SLC9A8: variants seen among roughly 807,000 people sequenced by gnomAD.
SLC9A8 encodes the protein sodium/hydrogen exchanger 8.
Under a neutral mutation model 66.6 loss-of-function variants are expected in SLC9A8, and 48 were observed. The ratio of observed to expected loss-of-function variants is 0.72; its 90% CI spans 0.57 to 0.92. The LOEUF (loss-of-function observed/expected upper bound fraction) is 0.92. Ranked by LOEUF, SLC9A8 falls within the 40% of genes least tolerant of loss-of-function variation. The pLI, the probability that SLC9A8 is intolerant of heterozygous loss-of-function variation, is 0.00. For missense variants in SLC9A8, 599 were observed against 747.3 expected (o/e 0.80, Z 2.31); for synonymous variants, 274 against 282.6 (o/e 0.97, Z 0.31).
At chr20:49,845,578 G>C (rs1017899150) in intron 5 of SLC9A8, among the ~76,000 whole-genome samples, 1 of 151,914 alleles carries the variant, frequency 6.6e-6, no homozygotes, top group African/African-American at 2.4e-5. Flanking sequence ...TCTCCCTCTC[G>C]GTGCCCTCCC....
intron 12 of SLC9A8, among the ~76,000 whole-genome samples, chr20:49,878,862 A>G: frequency 6.6e-6 from 1 of 152,168 alleles, no homozygotes; most frequent in Non-Finnish European, 1.5e-5. Flanking sequence ...TACTAAAAAT[A>G]CAAAATTAGC....
chr20:49,830,391 A>G (rs2087124073), intron 3 of SLC9A8: 1 of 835,518 alleles, frequency 1.2e-6, no homozygotes, highest in South Asian at 1.3e-5. Context: ...AGTCCTCTCA[A>G]CCTGTGACAT....
chr20:49,864,457 G>C (rs999841334), intron 9 of SLC9A8, among the ~76,000 whole-genome samples: 2 of 152,194 alleles, frequency 1.3e-5, no homozygotes, highest in African/African-American at 4.8e-5. Flanking sequence ...CTCTAAGTCA[G>C]CGTTTTTAAA....
intron 12 of SLC9A8, among the ~76,000 whole-genome samples, chr20:49,880,169 T>TTC (rs2089572470): frequency 6.9e-6 from 1 of 144,714 alleles, no homozygotes; most frequent in Non-Finnish European, 1.5e-5. Context: ...GAGGTTAAGG[T>TTC]GGGAGGATCA....
intron 2 of SLC9A8, among the ~76,000 whole-genome samples, chr20:49,817,826 A>T (rs757334848): frequency 1.3e-5 from 2 of 152,184 alleles, no homozygotes; most frequent in African/African-American, 2.4e-5. Context: ...TTTCTAGGGG[A>T]TTACTTCAAC....
chr20:49,851,048 C>T (rs1310145107), intron 7 of SLC9A8, among the ~76,000 whole-genome samples: 2 of 152,160 alleles, frequency 1.3e-5, no homozygotes, highest in South Asian at 2.1e-4. Flanking sequence ...TTGAAGATCC[C>T]TAGTGGGGCA....
At chr20:49,825,090 G>A (rs2086868988) in intron 3 of SLC9A8, among the ~76,000 whole-genome samples, 1 of 152,146 alleles carries the variant, frequency 6.6e-6, no homozygotes, top group South Asian at 2.1e-4. Context: ...TTGCCGAGGG[G>A]ACAGATGGGA....
chr20:49,856,017 C>T (rs2088465955), intron 8 of SLC9A8, among the ~76,000 whole-genome samples: 1 of 152,140 alleles, frequency 6.6e-6, no homozygotes, highest in African/African-American at 2.4e-5. Flanking sequence ...TGTCTTGAAC[C>T]CCTGGGCTCA....
intron 8 of SLC9A8, among the ~76,000 whole-genome samples, chr20:49,861,503 A>G (rs1182595055): frequency 6.6e-6 from 1 of 152,166 alleles, no homozygotes. Context: ...AGATCATGCC[A>G]CTGCACTTCT....
At chr20:49,835,627 T>C (rs1277400313) in intron 3 of SLC9A8, among the ~76,000 whole-genome samples, 1 of 152,022 alleles carries the variant, frequency 6.6e-6, no homozygotes, top group African/African-American at 2.4e-5. Context: ...CGGTGGTACT[T>C]TTTATTTGGC....
At chr20:49,825,888 A>G (rs2086896962) in intron 3 of SLC9A8, among the ~76,000 whole-genome samples, 1 of 152,162 alleles carries the variant, frequency 6.6e-6, no homozygotes, top group Non-Finnish European at 1.5e-5. Context: ...TAAAGCAGTA[A>G]CTGCAGTGGG....
intron 2 of SLC9A8, among the ~76,000 whole-genome samples, chr20:49,817,860 A>C (rs2086610673): frequency 6.6e-6 from 1 of 152,052 alleles, no homozygotes; most frequent in Non-Finnish European, 1.5e-5. Context: ...CTTTTGTTTT[A>C]TTTTCTTTTT....
intron 3 of SLC9A8, chr20:49,829,334 A>G (rs1418661201): frequency 1.3e-5 from 2 of 157,100 alleles, no homozygotes; most frequent in African/African-American, 2.4e-5. Flanking sequence ...CCTGGCTAAC[A>G]TGGTGAAATC....
At chr20:49,834,378 T>C (rs1379769404) in intron 3 of SLC9A8, among the ~76,000 whole-genome samples, 3 of 65,102 alleles carry the variant, frequency 4.6e-5, no homozygotes, top group Non-Finnish European at 8.0e-5. Flanking sequence ...TGTATATATA[T>C]ATATACTGTG....
intron 3 of SLC9A8, among the ~76,000 whole-genome samples, chr20:49,826,468 C>T (rs939136576): frequency 2.6e-5 from 4 of 152,146 alleles, no homozygotes; most frequent in Non-Finnish European, 5.9e-5. Context: ...GCAGTCATTT[C>T]GAGACATTAC....
At chr20:49,854,638 G>T (rs1453160981) in intron 7 of SLC9A8, among the ~76,000 whole-genome samples, 1 of 152,114 alleles carries the variant, frequency 6.6e-6, no homozygotes, top group Non-Finnish European at 1.5e-5. Flanking sequence ...ACCGACTCTG[G>T]GCAGATAGCC....
intron 9 of SLC9A8, chr20:49,864,064 A>G (rs2088861108): frequency 6.6e-6 from 1 of 151,690 alleles, no homozygotes; most frequent in Non-Finnish European, 1.5e-5. Context: ...CTCTATATTT[A>G]TCTTTTTCTT....
At chr20:49,884,660 G>A (rs1303851741) in intron 14 of SLC9A8, among the ~76,000 whole-genome samples, 2 of 152,162 alleles carry the variant, frequency 1.3e-5, no homozygotes, top group African/African-American at 4.8e-5. Flanking sequence ...GTCTTGCGGT[G>A]GCTGTGAGGG....
rs1274626937 is a variant in SLC9A8 at position 49,891,984 on chromosome 20, A to ATT, written c.*4048_*4049insTT. 2.6e-5 allele frequency: 4 copies of ATT among 152,076 alleles called. No homozygotes were observed. Among genetic ancestry groups the ATT allele is most frequent in the Non-Finnish European group, 5.9e-5 (4 of 68,034 alleles). 9.4% of individuals were successfully genotyped at this position (152,076 alleles called of 1,614,324 possible). On this transcript the variant is annotated 3_prime_UTR_variant, in exon 16 of 16. Coordinates refer to ENST00000361573, the MANE Select transcript of SLC9A8 (RefSeq NM_015266.3). ...TTTTAAGAAGCATTATGAAGGCCAGACTTACTCATTTTTCTCCCCCAAGTG... is the reference window on the plus strand; with the variant it reads ...TTTTAAGAAGCATTATGAAGGCCAGATTCTTACTCATTTTTCTCCCCCAAGTG...
Sources: allele counts gnomAD v4.1 joint callset (sites outside exome capture counted in the v4.1 genomes callset), GRCh38; gene constraint gnomAD v4.1.1; transcripts MANE v1.5; gene names NCBI Gene and HGNC (gene_info 2026-07-23, HGNC 2026-07-21).